CADPS2: variants seen among roughly 807,000 people sequenced by gnomAD.
CADPS2 encodes the protein calcium-dependent secretion activator 2.
Under a neutral mutation model 172.5 loss-of-function variants are expected in CADPS2, and 93 were observed. The ratio of observed to expected loss-of-function variants is 0.54; its 90% CI spans 0.46 to 0.64. The LOEUF (loss-of-function observed/expected upper bound fraction) is 0.64, where lower values mean the gene tolerates loss of function less well. CADPS2 is among the 30% of genes least tolerant of loss of function. CADPS2 has a pLI of 0.00. For missense variants in CADPS2, 1,420 were observed against 1,565.9 expected, an observed-to-expected ratio of 0.91 and a Z score of 1.57; for synonymous variants, 546 against 555.2, an observed-to-expected ratio of 0.98 and a Z score of 0.23.
At chr7:122,723,458 C>G (rs1274616762) in intron 2 of CADPS2, among the ~76,000 whole-genome samples, 1 of 152,124 alleles carries the variant, frequency 6.6e-6, no homozygotes, top group East Asian at 1.9e-4. Flanking sequence ...CAGAGAAATG[C>G]AAATCAAAAC....
intron 1 of CADPS2, chr7:122,849,813 G>T: frequency 1.9e-6 from 1 of 539,212 alleles, no homozygotes; most frequent in Non-Finnish European, 3.7e-6. Flanking sequence ...TCATCCCTCA[G>T]CACCATCAAC....
At chr7:122,463,883 A>T (rs1158989949) in intron 14 of CADPS2, among the ~76,000 whole-genome samples, 1 of 152,182 alleles carries the variant, frequency 6.6e-6, no homozygotes, top group Non-Finnish European at 1.5e-5. Flanking sequence ...AAAGATAAGG[A>T]AGAAAAGCAT....
chr7:122,719,186 C>G (rs985396829), intron 2 of CADPS2, among the ~76,000 whole-genome samples: 3 of 151,604 alleles, frequency 2.0e-5, no homozygotes, highest in African/African-American at 7.3e-5. Flanking sequence ...GGTGGGACAG[C>G]TTGACTGGTG....
intron 2 of CADPS2, among the ~76,000 whole-genome samples, chr7:122,674,774 G>A (rs1456258009): frequency 1.3e-5 from 2 of 152,184 alleles, no homozygotes; most frequent in Non-Finnish European, 2.9e-5. Flanking sequence ...CAGGAAGGCT[G>A]CCAGCATGTG....
intron 2 of CADPS2, among the ~76,000 whole-genome samples, chr7:122,705,373 G>C (rs917056459): frequency 8.9e-5 from 13 of 146,626 alleles, no homozygotes; most frequent in African/African-American, 3.0e-4. Flanking sequence ...TTTTCATTCT[G>C]TTGAATTTTG....
chr7:122,823,899 G>GC (rs1804098579), intron 1 of CADPS2, among the ~76,000 whole-genome samples: 1 of 151,816 alleles, frequency 6.6e-6, no homozygotes, highest in South Asian at 2.1e-4. Flanking sequence ...GGTGTTCCTT[G>GC]TTTTTTTAAA....
chr7:122,724,420 G>T (rs80248385), intron 2 of CADPS2, among the ~76,000 whole-genome samples: 1 of 152,004 alleles, frequency 6.6e-6, no homozygotes, highest in Non-Finnish European at 1.5e-5. Context: ...CTCTGAAGCA[G>T]CTTATAATTA....
chr7:122,579,795 A>C (rs1436574104), intron 7 of CADPS2, among the ~76,000 whole-genome samples: 2 of 152,100 alleles, frequency 1.3e-5, no homozygotes, highest in East Asian at 3.9e-4. Context: ...TGACTGAATG[A>C]GCAGTAACAC....
rs186461260 is a variant in CADPS2, at chr7:122,640,851, G to A, written c.787-11523C>T. Among the ~76,000 whole-genome samples the A allele has an allele frequency of 1.5e-3, 225 of 151,506 alleles. 3 individuals carry two copies. The highest frequency in any genetic ancestry group is 2.9e-4 in the Non-Finnish European group (20 of 67,884). On this transcript the variant is annotated intron_variant, in intron 3 of 29. Transcript: ENST00000449022. The stretch of plus-strand genomic sequence containing the variant: ...CTGGAGGCTGAGGCAGAAGAATGGC[G>A]TGAACCCGGGAGGTGGAGTTTGCAG...
intron 1 of CADPS2, among the ~76,000 whole-genome samples, chr7:122,875,123 G>A (rs896610185): frequency 5.9e-5 from 9 of 152,190 alleles, no homozygotes; most frequent in African/African-American, 9.7e-5. Flanking sequence ...GTGTGTATAC[G>A]TTTGCAGATG....
At chr7:122,541,581 AT>A (rs1487430087) in intron 8 of CADPS2, among the ~76,000 whole-genome samples, 2 of 144,280 alleles carry the variant, frequency 1.4e-5, no homozygotes, top group African/African-American at 5.0e-5. Flanking sequence ...ATTCATATAT[AT>A]TTATATATTC....
chr7:122,702,523 T>C, intron 2 of CADPS2: 1 of 1,613,672 alleles, frequency 6.2e-7, no homozygotes, highest in South Asian at 1.1e-5. Flanking sequence ...CTTCAGGAAG[T>C]GCCACCACAC....
chr7:122,547,723 TA>T (rs757405031), intron 8 of CADPS2, among the ~76,000 whole-genome samples: 3 of 151,926 alleles, frequency 2.0e-5, no homozygotes, highest in Non-Finnish European at 1.5e-5. Context: ...ACACAGATAA[TA>T]AGAGCTTAAA....
chr7:122,433,300 T>TA lies in CADPS2; in HGVS notation c.2476+5040dup, dbSNP rs987829664. Among the ~76,000 whole-genome samples, 9 of 152,110 alleles carry TA rather than the reference T, an allele frequency of 5.9e-5. No individual in the cohort carries two copies. The East Asian group carries it at 1.7e-3, about 29-fold the overall frequency. On this transcript the variant is annotated intron_variant, in intron 17 of 29. Transcript: ENST00000449022. ...TCTCCCTGGAATATAACAACATTTC[T>TA]AAAAAACCCCTATCTTCTGTTACTT...
At chr7:122,802,222 A>C (rs1797812004) in intron 1 of CADPS2, among the ~76,000 whole-genome samples, 1 of 152,194 alleles carries the variant, frequency 6.6e-6, no homozygotes, top group African/African-American at 2.4e-5. Context: ...TACCCTACAA[A>C]TGCACCCAAA....
At chr7:122,692,837 C>G (rs922528355) in intron 2 of CADPS2, among the ~76,000 whole-genome samples, 5 of 152,234 alleles carry the variant, frequency 3.3e-5, no homozygotes, top group Non-Finnish European at 7.3e-5. Flanking sequence ...ACTGTTCTCT[C>G]TGTCTTGGCT....
intron 6 of CADPS2, 78 bp downstream of exon 6, chr7:122,615,103 A>G: frequency 1.2e-6 from 1 of 836,610 alleles, no homozygotes; most frequent in East Asian, 2.7e-5. Flanking sequence ...ACATTTATGC[A>G]CATAAACAGA....
intron 1 of CADPS2, among the ~76,000 whole-genome samples, chr7:122,858,272 T>G (rs1815888651): frequency 6.6e-6 from 1 of 152,138 alleles, no homozygotes; most frequent in Admixed American, 6.6e-5. Context: ...TCACCTCTCA[T>G]TAATGCTTCA....
At chr7:122,502,051 G>T (rs1563526241) in intron 9 of CADPS2, among the ~76,000 whole-genome samples, 1 of 151,876 alleles carries the variant, frequency 6.6e-6, no homozygotes, top group Non-Finnish European at 1.5e-5. Context: ...TTAATTTCTG[G>T]CAAAGTTATT....
Sources: gnomAD v4.1 joint callset for allele counts (sites outside exome capture counted in the v4.1 genomes callset) on GRCh38, gnomAD v4.1.1 for gene constraint, MANE v1.5 for transcripts, NCBI Gene and HGNC (gene_info 2026-07-23, HGNC 2026-07-21) for gene names.